The following ITPKA variants were observed in gnomAD, a reference collection of about 807,000 sequenced individuals.
ITPKA encodes the protein inositol-trisphosphate 3-kinase A, also known as IP3 3-kinase A.
ITPKA carries 16 observed loss-of-function variants against 40.7 expected under a neutral mutation model. The ratio of observed to expected loss-of-function variants is 0.39; its 90% CI spans 0.27 to 0.60. The LOEUF (loss-of-function observed/expected upper bound fraction) is 0.60, where lower values mean the gene tolerates loss of function less well. Ranked by LOEUF, ITPKA falls within the 20% of genes least tolerant of loss-of-function variation. The pLI is 0.50. For synonymous variants in ITPKA, 313 were observed against 289.9 expected (o/e 1.08, Z -0.81); for missense variants, 540 against 649.3 (o/e 0.83, Z 1.83).
Position 41,501,646 on chromosome 15 carries a change from G to C in ITPKA, c.598G>C (p.Ala200Pro). 2 of 1,607,328 alleles carry C rather than the reference G, an allele frequency of 1.2e-6. No individual in the cohort carries two copies. Among genetic ancestry groups the C allele is most frequent in the Non-Finnish European group, 1.7e-6 (2 of 1,177,624 alleles). ...ATGCCGGTCCTCAGGGAGTTTTAAG[G>C]CGGCGGGCACCAGCGGGCTGATCCT... The part of the protein sequence containing the change: ...QLAGHTGSFK[A>P]AGTSGLILKR... Residue 200 changes from alanine (A) to proline (P), a missense_variant, in exon 3 of 7, where the codon GCG becomes CCG. Ala to Pro is a conservative substitution (Grantham distance 27). Coordinates refer to ENST00000260386, the MANE Select transcript of ITPKA (RefSeq NM_002220.3).
intron 1 of ITPKA, among the ~76,000 whole-genome samples, chr15:41,495,645 C>G (rs2051065628): frequency 6.6e-6 from 1 of 152,180 alleles, no homozygotes; most frequent in South Asian, 2.1e-4. Flanking sequence ...AGCCCCGGAC[C>G]CAGGATCGTT....
chr15:41,496,140 C>G (rs1050662968), intron 1 of ITPKA, among the ~76,000 whole-genome samples: 12 of 152,370 alleles, frequency 7.9e-5, no homozygotes, highest in Non-Finnish European at 1.5e-4. Context: ...TTGACAGAGG[C>G]TGCCTGAGTC....
chr15:41,495,564 G>C (rs893339202), intron 1 of ITPKA, among the ~76,000 whole-genome samples: 6 of 152,218 alleles, frequency 3.9e-5, no homozygotes, highest in Non-Finnish European at 1.5e-5. Context: ...AACACCCCCC[G>C]CCGCCAGGTG....
intron 1 of ITPKA, chr15:41,501,193 G>C (rs901067271): frequency 5.2e-6 from 2 of 384,846 alleles, no homozygotes; most frequent in Non-Finnish European, 7.1e-6. Flanking sequence ...CAGTGGCAGA[G>C]CTGGAGCGCA....
At chr15:41,500,063 C>T (rs571181311) in intron 1 of ITPKA, among the ~76,000 whole-genome samples, 5 of 152,202 alleles carry the variant, frequency 3.3e-5, no homozygotes, top group Admixed American at 2.0e-4. Flanking sequence ...CAGATTCAAG[C>T]GATTCTCCTG....
chr15:41,495,447 C>A (rs1011013483), intron 1 of ITPKA, among the ~76,000 whole-genome samples: 1 of 152,198 alleles, frequency 6.6e-6, no homozygotes, highest in African/African-American at 2.4e-5. Flanking sequence ...GCCGCACAAT[C>A]GGCTGGGACA....
intron 1 of ITPKA, among the ~76,000 whole-genome samples, chr15:41,500,156 T>C (rs1345942957): frequency 6.6e-6 from 1 of 152,194 alleles, no homozygotes; most frequent in Non-Finnish European, 1.5e-5. Flanking sequence ...AGACGGGGTT[T>C]CACCATGTTG....
rs1008054871 is a variant in ITPKA at position 41,493,885 on chromosome 15, C to T, written c.-43C>T. ...CGCCGAGCCGCTCCAGTCCCCGGCGCGCCGCGGGCTGGTGGGCTCAGCGGC... is the reference window on the plus strand; with the variant it reads ...CGCCGAGCCGCTCCAGTCCCCGGCGTGCCGCGGGCTGGTGGGCTCAGCGGC... On this transcript the variant is annotated 5_prime_UTR_variant, in exon 1 of 7. Transcript: ENST00000260386. 72 of 996,526 alleles carry T rather than the reference C, an allele frequency of 7.2e-5. No individual in the cohort carries two copies. In the African/African-American group the frequency reaches 1.2e-3, roughly 16 times the overall value. The allele number at this position is 996,526 out of a possible 1,614,324, so 61.7% of individuals were successfully genotyped here.
Position 41,494,421 on chromosome 15 carries a change from G to C in ITPKA, c.489+5G>C. On this transcript the variant is annotated splice_donor_5th_base_variant and intron_variant, in intron 1 of 6. Coordinates refer to ENST00000260386, the MANE Select transcript of ITPKA (RefSeq NM_002220.3). This position sits in a 1 kb window ranked among gnomAD's most constrained non-coding sequence, Gnocchi z 7.8. ...GCGGGCGAGGACGTGGGTCAGGTACGGGCCGCGGGGGCGGGGCCAGCGCCG... is the reference window on the plus strand; with the variant it reads ...GCGGGCGAGGACGTGGGTCAGGTACCGGCCGCGGGGGCGGGGCCAGCGCCG... 3 of 1,418,666 alleles carry C rather than the reference G, an allele frequency of 2.1e-6. No homozygotes were observed. The highest frequency in any genetic ancestry group is 1.5e-5 in the South Asian group (1 of 68,078). The allele number at this position is 1,418,666 out of a possible 1,614,324, so 87.9% of individuals were successfully genotyped here.
chr15:41,500,111 C>G (rs1446048466), intron 1 of ITPKA, among the ~76,000 whole-genome samples: 2 of 152,202 alleles, frequency 1.3e-5, no homozygotes, highest in Non-Finnish European at 2.9e-5. Flanking sequence ...CAGGCGCATG[C>G]CACCATGTCC....
intron 1 of ITPKA, among the ~76,000 whole-genome samples, chr15:41,496,386 TG>T (rs1343510308): frequency 1.3e-5 from 2 of 152,176 alleles, no homozygotes; most frequent in African/African-American, 4.8e-5. Context: ...CCTCTCTGCC[TG>T]GGGCATACGT....
rs1034954570 is a variant in ITPKA, at chr15:41,501,573, C to T, written c.586+14C>T. ...CAGGGCACACTGGTGAGCAGTGGGG[C>T]GGGTGGGCGGGTGCCCGCGACGGGA... On this transcript the variant is annotated intron_variant, in intron 2 of 6. Transcript: ENST00000260386. The T allele has an allele frequency of 5.1e-5, 10 of 198,006 alleles. 1 individual carries two copies. The highest frequency in any genetic ancestry group is 4.4e-4 in the Admixed American group (2 of 4,550). The allele number at this position is 198,006 out of a possible 1,614,324, so 12.3% of individuals were successfully genotyped here.
At chr15:41,497,482 C>A (rs2051081592) in intron 1 of ITPKA, among the ~76,000 whole-genome samples, 1 of 152,170 alleles carries the variant, frequency 6.6e-6, no homozygotes, top group Non-Finnish European at 1.5e-5. Context: ...TCTGCCTTGG[C>A]CTCCCAAAGT....
At chr15:41,502,265 C>T (rs2051119903) in intron 4 of ITPKA, 64 bp downstream of exon 4, 1 of 1,487,870 alleles carries the variant, frequency 6.7e-7, no homozygotes, top group Admixed American at 1.9e-5. Flanking sequence ...TCCCGATCCC[C>T]CGCTCCCGCC....
rs770543785 is a variant in ITPKA at position 41,502,957 on chromosome 15, T to C, written c.1183-6T>C. 15 of 1,596,456 alleles carry C rather than the reference T, an allele frequency of 9.4e-6. No individual in the cohort carries two copies. The highest frequency in any genetic ancestry group is 1.7e-4 in the Middle Eastern group (1 of 6,050). ...GGGCCGCGGCCTGACGGTGCGGGGC[T>C]CGCAGGTGATCGGCAGCTCGCTCCT... On this transcript the variant is annotated splice_region_variant and splice_polypyrimidine_tract_variant and intron_variant, in intron 6 of 6. Coordinates refer to ENST00000260386, the MANE Select transcript of ITPKA (RefSeq NM_002220.3).
chr15:41,499,382 C>T (rs557295562), intron 1 of ITPKA, among the ~76,000 whole-genome samples: 13 of 152,292 alleles, frequency 8.5e-5, no homozygotes, highest in African/African-American at 2.9e-4. Flanking sequence ...GCCTGACATG[C>T]AATAGGCAGG....
At position 41,494,082 on chromosome 15, in the gene ITPKA, G is replaced by A. The variant is rs2140670101; in HGVS notation, c.155G>A (p.Gly52Glu). The change falls in exon 1 of 7, where the codon GGG becomes GAG. Residue 52 changes from glycine to glutamate, a missense_variant. Physicochemically the swap from Gly to Glu is moderately conservative, Grantham distance 98 (BLOSUM62 -2). Coordinates refer to ENST00000260386, the MANE Select transcript of ITPKA (RefSeq NM_002220.3). This position sits in a 1 kb window ranked among gnomAD's most constrained non-coding sequence, Gnocchi z 7.8. ...GCGGTCGCTGCGGCCGCCGCCGCGG[G>A]GGAGCCCCGGGCCCGCGGGGCCAAG... Reference protein sequence around the residue: ...CAAVAAAAAAGEPRARGAKRR... With the variant: ...CAAVAAAAAAEEPRARGAKRR... The A allele has an allele frequency of 7.9e-7, 1 of 1,258,132 alleles. No homozygotes were observed. The highest frequency in any genetic ancestry group is 1.6e-5 in the African/African-American group (1 of 64,208). 77.9% of individuals were successfully genotyped at this position (1,258,132 alleles called of 1,614,324 possible).
intron 1 of ITPKA, among the ~76,000 whole-genome samples, chr15:41,495,376 C>T (rs2051063447): frequency 6.6e-6 from 1 of 152,232 alleles, no homozygotes; most frequent in African/African-American, 2.4e-5. Flanking sequence ...CGTCTGGGGC[C>T]TGCCCATAAG....
intron 1 of ITPKA, among the ~76,000 whole-genome samples, chr15:41,495,262 C>T (rs972448700): frequency 2.0e-5 from 3 of 152,222 alleles, no homozygotes; most frequent in Admixed American, 6.5e-5. Flanking sequence ...GGCCAAATAC[C>T]TTGAATAACT....
Sources: allele counts gnomAD v4.1 joint callset (sites outside exome capture counted in the v4.1 genomes callset), GRCh38; gene constraint gnomAD v4.1.1; non-coding constraint Gnocchi (gnomAD v3.1); transcripts MANE v1.5; gene names NCBI Gene and HGNC (gene_info 2026-07-23, HGNC 2026-07-21).